DNAH12: variants seen among roughly 807,000 people sequenced by gnomAD.
The protein encoded by DNAH12 is axonemal beta dynein heavy chain 12.
In DNAH12, 285 loss-of-function variants were observed where a neutral mutation model predicts 371.5. The observed-to-expected ratio is 0.77, with a 90% confidence interval of 0.70 to 0.85. The LOEUF (loss-of-function observed/expected upper bound fraction) is 0.85, where lower values mean the gene tolerates loss of function less well. DNAH12 is among the 40% of genes least tolerant of loss of function. DNAH12 has a pLI of 0.00. For missense variants in DNAH12, 3,611 were observed against 3,689.4 expected, an observed-to-expected ratio of 0.98 and a Z score of 0.55; for synonymous variants, 1,200 against 1,213.0, an observed-to-expected ratio of 0.99 and a Z score of 0.22.
Position 57,510,837 on chromosome 3 carries a change from A to G in DNAH12, c.422T>C (p.Ile141Thr). 2 of 1,614,038 alleles carry G rather than the reference A, an allele frequency of 1.2e-6. No homozygotes were observed. Among genetic ancestry groups the G allele is most frequent in the Non-Finnish European group, 1.7e-6 (2 of 1,180,000 alleles). Residue 141 changes from isoleucine (I) to threonine (T), a missense_variant, in exon 5 of 74, where the codon ATA becomes ACA. Physicochemically the swap from Ile to Thr is moderately conservative, Grantham distance 89 (BLOSUM62 -1). Around this residue, in one of 3 missense-constraint regions of DNAH12, gnomAD observed 1,314 missense variants for 1,398.7 expected, o/e 0.94. Transcript: ENST00000495027. ...KEREELLESL[I>T]NEVSSDFENS... is the part of the protein sequence containing the mutation. ...TTCAAAGTCACTTGACACCTCATTT[A>G]TGAGACTTTCAAGAAGTTCTTCTCT...
At chr3:57,302,569 T>A (rs1205102379) in intron 69 of DNAH12, among the ~76,000 whole-genome samples, 73 of 54,220 alleles carry the variant, frequency 1.3e-3, no homozygotes, top group African/African-American at 4.0e-3. Flanking sequence ...ATATATGTAT[T>A]TTTTTTTTTT....
chr3:57,496,689 C>T (rs1369122542), intron 11 of DNAH12, among the ~76,000 whole-genome samples: 1 of 152,188 alleles, frequency 6.6e-6, no homozygotes, highest in East Asian at 1.9e-4. Flanking sequence ...CTATTTATGG[C>T]CAGGCGCAGT....
chr3:57,323,889 G>A (rs922666117), intron 62 of DNAH12, among the ~76,000 whole-genome samples: 3 of 152,122 alleles, frequency 2.0e-5, no homozygotes, highest in Non-Finnish European at 4.4e-5. Flanking sequence ...GATGCTCAAT[G>A]TCACTCATTA....
Position 57,309,132 on chromosome 3 carries a change from T to G in DNAH12, c.11189+19A>C. On this transcript the variant is annotated intron_variant, in intron 69 of 73. Coordinates refer to ENST00000495027, the MANE Select transcript of DNAH12 (RefSeq NM_001366028.2). ...AGAAGACAGTTGCCTTCTGAATCAC[T>G]GGGGATATAGATCCTTACTTGTTAA... 2 of 1,482,098 alleles carry G rather than the reference T, an allele frequency of 1.3e-6. No individual in the cohort carries two copies. Among genetic ancestry groups the G allele is most frequent in the Non-Finnish European group, 1.8e-6 (2 of 1,103,704 alleles). 91.8% of individuals were successfully genotyped at this position (1,482,098 alleles called of 1,614,324 possible).
At chr3:57,437,115 C>G (rs1295056889) in intron 29 of DNAH12, 55 bp from the exon 30 acceptor site, 1 of 1,104,704 alleles carries the variant, frequency 9.1e-7, no homozygotes, top group Non-Finnish European at 1.3e-6. Flanking sequence ...AATGTCATAC[C>G]TGTCTTATAA....
In DNAH12 at chr3:57,511,017, T is replaced by C. The variant is rs191932380; in HGVS notation, c.280-38A>G. ...GAAAAAATTAAATGTTCTGCATGGT[T>C]GTATCATTTCAGTGTAACTCCTGAA... On this transcript the variant is annotated intron_variant, in intron 4 of 73. Transcript: ENST00000495027. The C allele has an allele frequency of 3.1e-5, 46 of 1,500,904 alleles. No homozygotes were observed. The Admixed American group carries it at 1.1e-3, about 36-fold the overall frequency. 93.0% of individuals were successfully genotyped at this position (1,500,904 alleles called of 1,614,324 possible). A position where few individuals can be genotyped will look rare whatever the true frequency, so the allele number is the denominator to read the frequency against.
At chr3:57,407,104 G>T (rs375928477) in intron 40 of DNAH12, among the ~76,000 whole-genome samples, 3 of 151,830 alleles carry the variant, frequency 2.0e-5, no homozygotes, top group Non-Finnish European at 4.4e-5. Context: ...TCACCATGTT[G>T]GCCAGGATGG....
chr3:57,466,692 T>C (rs1294941523), intron 17 of DNAH12, among the ~76,000 whole-genome samples: 1 of 152,176 alleles, frequency 6.6e-6, no homozygotes, highest in Non-Finnish European at 1.5e-5. Flanking sequence ...CCCAGTAAAC[T>C]GTTACCCTGT....
chr3:57,351,702 T>C (rs745312211), intron 60 of DNAH12, among the ~76,000 whole-genome samples: 135 of 152,272 alleles, frequency 8.9e-4, no homozygotes, highest in Non-Finnish European at 1.7e-3. Flanking sequence ...ATGTAATATA[T>C]ATATATGTCA....
chr3:57,496,797 T>C (rs1029067113), intron 11 of DNAH12, among the ~76,000 whole-genome samples: 2 of 151,726 alleles, frequency 1.3e-5, no homozygotes, highest in Non-Finnish European at 2.9e-5. Flanking sequence ...GGCAAAACCC[T>C]GTCTCTACTA....
At chr3:57,445,799 T>C (rs138281694) in intron 27 of DNAH12, among the ~76,000 whole-genome samples, 6 of 152,044 alleles carry the variant, frequency 3.9e-5, no homozygotes, top group South Asian at 4.2e-4. Flanking sequence ...CCATCCTGGC[T>C]AACATGGTAA....
chr3:57,449,364 T>A (rs1001807941), intron 25 of DNAH12, among the ~76,000 whole-genome samples: 1 of 152,140 alleles, frequency 6.6e-6, no homozygotes, highest in African/African-American at 2.4e-5. Context: ...AGCCCTTGGG[T>A]GGTCGATGGG....
At chr3:57,341,619 C>A (rs560664850) in intron 60 of DNAH12, among the ~76,000 whole-genome samples, 2 of 151,710 alleles carry the variant, frequency 1.3e-5, no homozygotes, top group South Asian at 2.1e-4. Context: ...AAGAAGACAT[C>A]AAAAAATAGA....
intron 33 of DNAH12, among the ~76,000 whole-genome samples, chr3:57,429,231 C>T (rs925446617): frequency 1.2e-4 from 18 of 151,582 alleles, no homozygotes; most frequent in African/African-American, 3.6e-4. Context: ...GGCTGGAGTG[C>T]AATGGTACCA....
intron 12 of DNAH12, among the ~76,000 whole-genome samples, chr3:57,485,894 A>G (rs1169680959): frequency 6.6e-6 from 1 of 152,030 alleles, no homozygotes; most frequent in Non-Finnish European, 1.5e-5. Context: ...TACTTGAGTG[A>G]TGGGTACACT....
At chr3:57,466,092 A>C (rs1485609190) in intron 17 of DNAH12, among the ~76,000 whole-genome samples, 1 of 144,332 alleles carries the variant, frequency 6.9e-6, no homozygotes, top group South Asian at 2.2e-4. Flanking sequence ...ACACACACAC[A>C]CCAGATTAGT....
chr3:57,355,692 G>T (rs1163574781), intron 59 of DNAH12, among the ~76,000 whole-genome samples: 1 of 152,066 alleles, frequency 6.6e-6, no homozygotes, highest in Non-Finnish European at 1.5e-5. Flanking sequence ...ACTTGATATT[G>T]ACATTTTTAT....
rs552823693 is a variant in DNAH12, at chr3:57,326,171, A to C, written c.9979-2552T>G. The stretch of plus-strand genomic sequence containing the variant: ...TCCAGGAGAACTTCCCCAATCTAGC[A>C]AGGCAGGCCAACATTCAGATTCAGG... On this transcript the variant is annotated intron_variant, in intron 62 of 73. Transcript: ENST00000495027. Among the ~76,000 whole-genome samples, 5 of 152,194 alleles carry C rather than the reference A, an allele frequency of 3.3e-5. No homozygotes were observed. In the East Asian group the frequency reaches 9.6e-4, roughly 29 times the overall value.
chr3:57,510,983 A>C lies in DNAH12; in HGVS notation c.280-4T>G. The C allele has an allele frequency of 1.9e-6, 3 of 1,579,286 alleles. No individual in the cohort carries two copies. The highest frequency in any genetic ancestry group is 2.6e-6 in the Non-Finnish European group (3 of 1,169,598). On this transcript the variant is annotated splice_polypyrimidine_tract_variant and splice_region_variant and intron_variant, in intron 4 of 73. Transcript: ENST00000495027. ...GCTTCATATAAATATAGTTGAACTG[A>C]GAACATAAGAAAAAATTAAATGTTC...
Sources: gnomAD v4.1 joint callset for allele counts (sites outside exome capture counted in the v4.1 genomes callset) on GRCh38, gnomAD v4.1.1 for gene constraint, gnomAD v4.1.1 regional missense constraint, MANE v1.5 for transcripts, NCBI Gene and HGNC (gene_info 2026-07-23, HGNC 2026-07-21) for gene names.